LOC128092252: variants seen among roughly 807,000 people sequenced by gnomAD.
chr15:50,655,945 G>A, the LOC128092252 span, among the ~76,000 whole-genome samples: 1 of 150,630 alleles, frequency 6.6e-6, no homozygotes, highest in Non-Finnish European at 1.5e-5. Context: ...AGCTGAGATC[G>A]CACCACTGTA....
At chr15:50,668,291 T>C in the LOC128092252 span, among the ~76,000 whole-genome samples, 8 of 152,192 alleles carry the variant, frequency 5.3e-5, no homozygotes, top group African/African-American at 1.9e-4. Context: ...ATGGACTGAA[T>C]TAATGTAAGA....
the LOC128092252 span, among the ~76,000 whole-genome samples, chr15:50,670,291 G>A: frequency 6.6e-6 from 1 of 152,064 alleles, no homozygotes; most frequent in East Asian, 1.9e-4. Context: ...CTTGAATAGG[G>A]GCTGAGTAAA....
chr15:50,658,181 A>G, the LOC128092252 span, among the ~76,000 whole-genome samples: 4 of 151,614 alleles, frequency 2.6e-5, no homozygotes, highest in Non-Finnish European at 2.9e-5. Context: ...ATTTTTTTGC[A>G]TTTTTACTAG....
chr15:50,686,472 T>C, the LOC128092252 span: 1 of 1,613,986 alleles, frequency 6.2e-7, no homozygotes, highest in South Asian at 1.1e-5. Flanking sequence ...GCCAAGTCTC[T>C]CCTTTACCGC....
At chr15:50,658,617 T>C in the LOC128092252 span, among the ~76,000 whole-genome samples, 1 of 148,280 alleles carries the variant, frequency 6.7e-6, no homozygotes, top group African/African-American at 2.5e-5. Flanking sequence ...ACAGAGAGAG[T>C]CTGGTATCTG....
At chr15:50,683,239 A>G in the LOC128092252 span, among the ~76,000 whole-genome samples, 2 of 152,076 alleles carry the variant, frequency 1.3e-5, no homozygotes, top group Non-Finnish European at 2.9e-5. Context: ...CACTTAAAAA[A>G]AAAAAACTGC....
the LOC128092252 span, among the ~76,000 whole-genome samples, chr15:50,662,298 G>A: frequency 6.7e-6 from 1 of 149,776 alleles, no homozygotes; most frequent in African/African-American, 2.5e-5. Flanking sequence ...TTGTACTCCA[G>A]CCTGGACGAC....
chr15:50,660,506 T>G, the LOC128092252 span, among the ~76,000 whole-genome samples: 1 of 152,008 alleles, frequency 6.6e-6, no homozygotes, highest in African/African-American at 2.4e-5. Flanking sequence ...ATAAAAAAAA[T>G]TAAGTGGGCG....
the LOC128092252 span, among the ~76,000 whole-genome samples, chr15:50,678,975 G>C: frequency 6.6e-6 from 1 of 152,156 alleles, no homozygotes; most frequent in Non-Finnish European, 1.5e-5. Context: ...CTGGGTTCAA[G>C]AGATTCACCT....
chr15:50,683,050 TG>T, the LOC128092252 span, among the ~76,000 whole-genome samples: 1 of 151,982 alleles, frequency 6.6e-6, no homozygotes, highest in Non-Finnish European at 1.5e-5. Flanking sequence ...GCCCAGCTAA[TG>T]TTTTTTTATT....
chr15:50,665,271 T>C, the LOC128092252 span, among the ~76,000 whole-genome samples: 1 of 151,646 alleles, frequency 6.6e-6, no homozygotes, highest in Non-Finnish European at 1.5e-5. Flanking sequence ...GTGGCACACA[T>C]CTGTAATCCC....
chr15:50,679,538 A>AT, the LOC128092252 span, among the ~76,000 whole-genome samples: 711 of 43,870 alleles, frequency 0.016, 7 homozygotes, highest in Middle Eastern at 0.043. Flanking sequence ...ATATATATAT[A>AT]TTTTTTTTTT....
chr15:50,663,122 C>T, the LOC128092252 span: 9 of 1,107,688 alleles, frequency 8.1e-6, no homozygotes, highest in East Asian at 7.4e-5. Context: ...ATGATAAACA[C>T]ATAAACAGTT....
chr15:50,686,678 A>C, the LOC128092252 span: 1 of 1,069,128 alleles, frequency 9.4e-7, no homozygotes, highest in Non-Finnish European at 1.3e-6. Context: ...CTCAGAACTA[A>C]CTCAGCTCCG....
the LOC128092252 span, chr15:50,686,660 G>C: frequency 7.3e-7 from 1 of 1,364,898 alleles, no homozygotes; most frequent in Non-Finnish European, 9.9e-7. Context: ...AACGCCCAGG[G>C]AAACCTTCTC....
At chr15:50,672,210 C>CA in the LOC128092252 span, among the ~76,000 whole-genome samples, 1 of 152,086 alleles carries the variant, frequency 6.6e-6, no homozygotes, top group African/African-American at 2.4e-5. Flanking sequence ...ACCACCACCA[C>CA]ACCCAGCTAA....
At chr15:50,675,515 G>A in the LOC128092252 span, among the ~76,000 whole-genome samples, 16 of 151,938 alleles carry the variant, frequency 1.1e-4, no homozygotes, top group Admixed American at 5.9e-4. Context: ...CACAGGAATC[G>A]GCTTCACAAA....
chr15:50,686,464 C>G, the LOC128092252 span: 3 of 1,613,856 alleles, frequency 1.9e-6, no homozygotes, highest in Non-Finnish European at 2.5e-6. Context: ...ACTTGCCTGC[C>G]AAGTCTCTCC....
chr15:50,676,620 G>T, the LOC128092252 span, among the ~76,000 whole-genome samples: 25 of 152,014 alleles, frequency 1.6e-4, no homozygotes, highest in African/African-American at 5.8e-4. Flanking sequence ...GCAACCAAAA[G>T]CAAGCAGAAA....
Sources: gnomAD v4.1 joint callset for allele counts (sites outside exome capture counted in the v4.1 genomes callset) on GRCh38, gnomAD v4.1.1 for gene constraint, MANE v1.5 for transcripts.